Variants in STK32B observed in about 807,000 individuals in gnomAD.
STK32B encodes serine/threonine kinase 32B.
In STK32B, 43 loss-of-function variants were observed where a neutral mutation model predicts 52.6. That is an observed-to-expected ratio of 0.82 (90% CI 0.64 to 1.05). STK32B has a LOEUF of 1.05. Ranked by LOEUF, STK32B falls within the 50% of genes least tolerant of loss-of-function variation. STK32B has a pLI of 0.00. For missense variants in STK32B, 621 were observed against 534.6 expected, an observed-to-expected ratio of 1.16 and a Z score of -1.59; for synonymous variants, 238 against 204.3, an observed-to-expected ratio of 1.17 and a Z score of -1.41.
chr4:5,277,731 TAA>T (rs1727925034), intron 3 of STK32B, among the ~76,000 whole-genome samples: 1 of 152,238 alleles, frequency 6.6e-6, no homozygotes, highest in African/African-American at 2.4e-5. Context: ...CCAGATTCTT[TAA>T]GAGCCTTTAC....
chr4:5,122,237 C>CACTCACATTTACTCATTT lies in STK32B; in HGVS notation c.53-17662_53-17645dup, dbSNP rs1159205476. 4.6e-5 allele frequency among the ~76,000 whole-genome samples: 7 copies of CACTCACATTTACTCATTT among 152,256 alleles called. No homozygotes were observed. The South Asian group carries it at 1.0e-3, about 23-fold the overall frequency. ...TCATTCACTCGCTTATTCACTCATTCACTCACATTTACTCATTTACTCATT... is the reference window on the plus strand; with the variant it reads ...TCATTCACTCGCTTATTCACTCATTCACTCACATTTACTCATTTACTCACATTTACTCATTTACTCATT... On this transcript the variant is annotated intron_variant, in intron 1 of 11. Transcript: ENST00000282908.
chr4:5,473,922 C>A (rs1718032610), intron 11 of STK32B, among the ~76,000 whole-genome samples: 1 of 152,140 alleles, frequency 6.6e-6, no homozygotes, highest in Non-Finnish European at 1.5e-5. Context: ...TGAGACCAGA[C>A]TGGCCAACAT....
intron 6 of STK32B, 109 bp from the exon 7 acceptor site, chr4:5,446,564 A>AC: frequency 3.0e-6 from 3 of 985,792 alleles, no homozygotes; most frequent in Non-Finnish European, 4.5e-6. Flanking sequence ...CTCAAAAAAA[A>AC]ACAAAAAAAA....
rs1335682987 is a variant in STK32B at position 5,051,718 on chromosome 4, C to G, written c.-146C>G. 9.5e-7 allele frequency: 1 copy of G among 1,047,334 alleles called. No individual in the cohort carries two copies. Among genetic ancestry groups the G allele is most frequent in the Non-Finnish European group, 1.4e-6 (1 of 733,056 alleles). 64.9% of individuals were successfully genotyped at this position (1,047,334 alleles called of 1,614,324 possible). ...AAGGGGGACGCCGTCCCCGCCCCTG[C>G]ACGGTGCTCGGCCCCCTCGGGCTCC... On this transcript the variant is annotated 5_prime_UTR_variant, in exon 1 of 12. Transcript: ENST00000282908.
intron 7 of STK32B, among the ~76,000 whole-genome samples, chr4:5,452,152 T>G (rs1716063356): frequency 6.6e-6 from 1 of 152,160 alleles, no homozygotes; most frequent in African/African-American, 2.4e-5. Context: ...ACATGAGGAC[T>G]TTACCCTCTT....
At chr4:5,341,602 T>G (rs1048771867) in intron 4 of STK32B, among the ~76,000 whole-genome samples, 3 of 152,220 alleles carry the variant, frequency 2.0e-5, no homozygotes, top group Non-Finnish European at 2.9e-5. Flanking sequence ...TTTGCTATAT[T>G]AGGCTGTTCT....
chr4:5,175,927 C>T (rs1416839762), intron 3 of STK32B, among the ~76,000 whole-genome samples: 1 of 152,250 alleles, frequency 6.6e-6, no homozygotes, highest in Non-Finnish European at 1.5e-5. Flanking sequence ...AGGCAGGCCT[C>T]CTTGAGCTGT....
intron 1 of STK32B, among the ~76,000 whole-genome samples, chr4:5,104,507 A>G (rs1438495831): frequency 3.9e-5 from 6 of 152,272 alleles, no homozygotes; most frequent in African/African-American, 1.4e-4. Flanking sequence ...TTCATAAAAC[A>G]TTGTGAATGG....
chr4:5,192,111 A>G (rs902318492), intron 3 of STK32B, among the ~76,000 whole-genome samples: 4 of 152,206 alleles, frequency 2.6e-5, no homozygotes, highest in African/African-American at 9.6e-5. Flanking sequence ...CTGGGCTTCT[A>G]TTGTGGAGAA....
intron 1 of STK32B, among the ~76,000 whole-genome samples, chr4:5,128,613 A>G (rs1715558218): frequency 6.6e-6 from 1 of 152,214 alleles, no homozygotes; most frequent in African/African-American, 2.4e-5. Context: ...TAATGAGGCA[A>G]CAAGAGGTGG....
chr4:5,112,964 A>G (rs1227239361), intron 1 of STK32B, among the ~76,000 whole-genome samples: 1 of 152,216 alleles, frequency 6.6e-6, no homozygotes, highest in Non-Finnish European at 1.5e-5. Context: ...AAACAGGCAA[A>G]TATGCTACTT....
chr4:5,098,073 G>C (rs1175878114), intron 1 of STK32B, among the ~76,000 whole-genome samples: 3 of 152,264 alleles, frequency 2.0e-5, no homozygotes, highest in Admixed American at 1.3e-4. Context: ...ACAGTGGCAG[G>C]GTTCCAAGAA....
At chr4:5,492,983 T>C (rs1267259126) in intron 11 of STK32B, among the ~76,000 whole-genome samples, 1 of 151,356 alleles carries the variant, frequency 6.6e-6, no homozygotes, top group Non-Finnish European at 1.5e-5. Context: ...TTTGCCAGTA[T>C]TATTTTATTG....
At chr4:5,476,596 G>A (rs141483543) in intron 11 of STK32B, among the ~76,000 whole-genome samples, 44 of 152,080 alleles carry the variant, frequency 2.9e-4, no homozygotes, top group African/African-American at 9.4e-4. Context: ...TGAGAACCCT[G>A]TGTTGTGAGT....
chr4:5,204,987 A>G (rs542094989), intron 3 of STK32B, among the ~76,000 whole-genome samples: 17 of 152,338 alleles, frequency 1.1e-4, no homozygotes, highest in Middle Eastern at 3.4e-3. Context: ...CATTTGAATC[A>G]GTAGACTGAG....
At chr4:5,029,341 C>G in the STK32B span, among the ~76,000 whole-genome samples, 3 of 152,180 alleles carry the variant, frequency 2.0e-5, no homozygotes, top group African/African-American at 7.2e-5. Flanking sequence ...TGCAATCACA[C>G]AAACACTTTT....
At chr4:5,375,203 CTCTG>C (rs953406072) in intron 4 of STK32B, among the ~76,000 whole-genome samples, 2 of 152,144 alleles carry the variant, frequency 1.3e-5, no homozygotes, top group African/African-American at 4.8e-5. Flanking sequence ...TCGTCCCCCA[CTCTG>C]TCTGCTGCAT....
intron 4 of STK32B, among the ~76,000 whole-genome samples, chr4:5,357,056 CAT>C (rs141576333): frequency 4.0e-5 from 6 of 150,282 alleles, no homozygotes; most frequent in African/African-American, 1.2e-4. Context: ...TACACACACA[CAT>C]ATATACACAC....
chr4:5,244,810 A>G (rs1255964301), intron 3 of STK32B, among the ~76,000 whole-genome samples: 1 of 152,070 alleles, frequency 6.6e-6, no homozygotes, highest in African/African-American at 2.4e-5. Context: ...GAACATCTTT[A>G]TTTCTGCCTT....
Sources: allele counts gnomAD v4.1 joint callset (sites outside exome capture counted in the v4.1 genomes callset), GRCh38; gene constraint gnomAD v4.1.1; transcripts MANE v1.5; gene names NCBI Gene and HGNC (gene_info 2026-07-23, HGNC 2026-07-21).